The following PRF1 variants were observed in gnomAD, a reference collection of about 807,000 sequenced individuals.
The protein encoded by PRF1 is perforin-1.
PRF1 carries 11 observed loss-of-function variants against 11.7 expected under a neutral mutation model. The ratio of observed to expected loss-of-function variants is 0.94; its 90% confidence interval spans 0.59 to 1.56. The LOEUF (loss-of-function observed/expected upper bound fraction) is 1.56, where lower values mean the gene tolerates loss of function less well. Among genes scored for constraint, PRF1 ranks in the 40% most tolerant of loss-of-function variants. The probability of loss-of-function intolerance (pLI) is 0.00; values close to 1 mark genes in which losing one functional copy is unlikely to be tolerated. For missense variants in PRF1, 729 were observed against 751.0 expected (o/e 0.97, Z 0.34); for synonymous variants, 314 against 327.8 (o/e 0.96, Z 0.45).
At position 70,598,454 on chromosome 10, in the gene PRF1, G is replaced by A. The variant is rs768953378; in HGVS notation, c.1267C>T (p.Gln423Ter). The part of the protein sequence containing the change: ...GLAQLEVTFI[Q>*]AWGLWGDWFT... Reference sequence around the variant, plus strand: ...CAGTCCCCCCACAGGCCCCATGCTTGGATGAAGGTCACCTCCAGCTGGGCC... The same window carrying A: ...CAGTCCCCCCACAGGCCCCATGCTTAGATGAAGGTCACCTCCAGCTGGGCC... The change falls in exon 3 of 3, where the codon CAA becomes TAA. Residue 423 changes from glutamine (Q) to a stop codon, truncating the protein, a stop_gained. Coordinates refer to ENST00000441259, the MANE Select transcript of PRF1 (RefSeq NM_001083116.3). LOFTEE classifies it low-confidence loss of function (END_TRUNC). The A allele has an allele frequency of 4.3e-6, 7 of 1,613,674 alleles. No individual in the cohort carries two copies. Among genetic ancestry groups the A allele is most frequent in the African/African-American group, 4.0e-5 (3 of 74,942 alleles).
intron 1 of PRF1, among the ~76,000 whole-genome samples, chr10:70,602,101 A>G (rs540770270): frequency 2.0e-5 from 3 of 152,262 alleles, no homozygotes; most frequent in African/African-American, 7.2e-5. Flanking sequence ...ACCTTACCCA[A>G]GCCTAACCTT....
rs761317587 is a variant in PRF1, at chr10:70,600,746, G to T, written c.157C>A (p.Leu53Ile). ...LAGEGVDVTS[L>I]RRSGSFPVDT... is the part of the protein sequence containing the mutation. ...ACTGGGAAGGAGCCCGAGCGGCGGA[G>T]GCTGGTCACGTCCACACCCTCCCCG... The change falls in exon 2 of 3, where the codon CTC becomes ATC. Residue 53 changes from leucine (L) to isoleucine (I), a missense_variant. Physicochemically the swap from Leu to Ile is conservative, Grantham distance 5. Coordinates refer to ENST00000441259, the MANE Select transcript of PRF1 (RefSeq NM_001083116.3). The surrounding 1 kb of genome is among the most constrained non-coding windows in gnomAD (Gnocchi z 4.9). The T allele has an allele frequency of 1.2e-6, 2 of 1,613,158 alleles. No individual in the cohort carries two copies. The highest frequency in any genetic ancestry group is 8.5e-7 in the Non-Finnish European group (1 of 1,179,492).
At chr10:70,601,324 T>C (rs543534395) in intron 1 of PRF1, among the ~76,000 whole-genome samples, 1 of 152,282 alleles carries the variant, frequency 6.6e-6, no homozygotes, top group East Asian at 1.9e-4. Context: ...GTGTCATTTT[T>C]GGCCCCAGAA....
Position 70,598,750 on chromosome 10 carries a change from T to C in PRF1, c.971A>G (p.Gln324Arg). 6.2e-7 allele frequency: 1 copy of C among 1,614,236 alleles called. No homozygotes were observed. The change falls in exon 3 of 3, where the codon CAG becomes CGG. Residue 324 changes from glutamine to arginine, a missense_variant. Physicochemically the swap from Gln to Arg is conservative, Grantham distance 43. Transcript: ENST00000441259. ...CAGCGAGTTTACCCAGGCTGAGTAC[T>C]GCTCGGGCCCGGCCTGGATCCCGAA... is the stretch of plus-strand genomic sequence containing the variant. ...LLFGIQAGPE[Q>R]YSAWVNSLPG...
Position 70,598,219 on chromosome 10 carries a change from G to A in PRF1, c.1502C>T (p.Pro501Leu). 1.2e-6 allele frequency: 2 copies of A among 1,614,176 alleles called. No individual in the cohort carries two copies. Among genetic ancestry groups the A allele is most frequent in the South Asian group, 1.1e-5 (1 of 91,084 alleles). The change falls in exon 3 of 3, where the codon CCC becomes CTC. Residue 501 changes from proline to leucine, a missense_variant. Transcript: ENST00000441259. ...TCTCACCTCATGGGAACCAGACTTG[G>A]GAGCCTGATCACAGGTGCCAAGGAG... ...DDLLGTCDQA[P>L]KSGSHEVRCN...
At chr10:70,599,567 T>G in intron 2 of PRF1, among the ~76,000 whole-genome samples, 1 of 151,978 alleles carries the variant, frequency 6.6e-6, no homozygotes, top group East Asian at 1.9e-4. Flanking sequence ...CTGGGCAACA[T>G]AGTGAGACCC....
rs200641752 is a variant in PRF1, at chr10:70,598,688, G to T, written c.1033C>A (p.Pro345Thr). Reference sequence around the variant, plus strand: ...TGGCTGTCCAGCAGCACGTGCAGGGGTTCCAGGGTGTAGTCCACCAGGCCA... The same window carrying T: ...TGGCTGTCCAGCAGCACGTGCAGGGTTTCCAGGGTGTAGTCCACCAGGCCA... ...SPGLVDYTLE[P>T]LHVLLDSQDP... Residue 345 changes from proline (P) to threonine (T), a missense_variant, in exon 3 of 3, where the codon CCC becomes ACC. By Grantham distance (38) the Pro-to-Thr change is conservative. Coordinates refer to ENST00000441259, the MANE Select transcript of PRF1 (RefSeq NM_001083116.3). The T allele has an allele frequency of 3.7e-6, 6 of 1,613,978 alleles. No homozygotes were observed. The highest frequency in any genetic ancestry group is 1.3e-5 in the African/African-American group (1 of 74,940).
chr10:70,598,310 G>A lies in PRF1; in HGVS notation c.1411C>T (p.Leu471Phe), dbSNP rs143040535. 29 of 1,614,196 alleles carry A rather than the reference G, an allele frequency of 1.8e-5. No individual in the cohort carries two copies. In the African/African-American group the frequency reaches 3.3e-4, roughly 19 times the overall value. ...CTCAGGGGCCCCCCTGTGGCCAGGA[G>A]CACATCCCCAAAATCCAGCCGCACT... ...WSVRLDFGDV[L>F]LATGGPLRLQ... Residue 471 changes from leucine (L) to phenylalanine (F), a missense_variant, in exon 3 of 3, where the codon CTC (leucine) becomes TTC (phenylalanine). By Grantham distance (22) the Leu-to-Phe change is conservative. Coordinates refer to ENST00000441259, the MANE Select transcript of PRF1 (RefSeq NM_001083116.3).
Position 70,601,628 on chromosome 10 carries a change from A to C in PRF1, c.-30-696T>G, listed in dbSNP as rs559274363. 3.9e-5 allele frequency among the ~76,000 whole-genome samples: 6 copies of C among 152,006 alleles called. 1 individual carries two copies. The highest frequency in any genetic ancestry group is 1.4e-4 in the African/African-American group (6 of 41,428). ...TGGATCACTGGAGGTCAGAAGTTCG[A>C]GACCAGCCTGGCCAACGTGGTGAAA... On this transcript the variant is annotated intron_variant, in intron 1 of 2. Coordinates refer to ENST00000441259, the MANE Select transcript of PRF1 (RefSeq NM_001083116.3).
In PRF1 at chr10:70,598,138, TG is replaced by T; in HGVS notation, c.1582del (p.His528ThrfsTer85). On this transcript the variant is annotated frameshift_variant, in exon 3 of 3. Transcript: ENST00000441259. LOFTEE classifies it low-confidence loss of function (END_TRUNC). ...GTCCAGGCAGGTGCCTCCTCCCAGG[TG>T]GGGCAAGCACCTGGCATGATAGCGG... ...KFRYHARCLP[H>X]LGGGTCLDYV... 1.9e-6 allele frequency: 3 copies of T among 1,614,066 alleles called. No individual in the cohort carries two copies. The highest frequency in any genetic ancestry group is 2.5e-6 in the Non-Finnish European group (3 of 1,180,014).
At position 70,598,818 on chromosome 10, in the gene PRF1, C is replaced by T. The variant is rs763207236; in HGVS notation, c.903G>A (p.Ser301=). 3.3e-5 allele frequency: 54 copies of T among 1,614,132 alleles called. No individual in the cohort carries two copies. The highest frequency in any genetic ancestry group is 4.1e-5 in the Non-Finnish European group (48 of 1,180,052). ...AGGTGTGATGGCCGCCAACCACTTC[C>T]GAGTGGCGCTCCCGGTAGGTTTGGT... is the stretch of plus-strand genomic sequence containing the variant. ...SFHQTYRERH[S]EVVGGHHTSI... is the part of the protein sequence containing the mutation. The change falls in exon 3 of 3, where the codon TCG becomes TCA. Residue 301 remains serine (S), a synonymous_variant. Coordinates refer to ENST00000441259, the MANE Select transcript of PRF1 (RefSeq NM_001083116.3).
rs1467832541 is a variant in PRF1, at chr10:70,602,695, C to T, written c.-81G>A. On this transcript the variant is annotated 5_prime_UTR_variant, in exon 1 of 3. It adds an upstream start codon to the 5' untranslated region. Transcript: ENST00000441259. ...TACACAGATGGATATCCTCTCTTCA[C>T]CGAGGCTCCTGGAATGGTGGCATCA... The T allele has an allele frequency of 6.6e-6, 1 of 152,300 alleles. No individual in the cohort carries two copies. Among genetic ancestry groups the T allele is most frequent in the African/African-American group, 2.4e-5 (1 of 41,420 alleles). The allele number at this position is 152,300 out of a possible 1,614,324, so 9.4% of individuals were successfully genotyped here.
rs140218388 is a variant in PRF1 at position 70,598,931 on chromosome 10, C to T, written c.790G>A (p.Val264Ile). Residue 264 changes from valine to isoleucine, a missense_variant, in exon 3 of 3, where the codon GTC becomes ATC. Transcript: ENST00000441259. ...ATGCTGCCGTGGATGCCTATGTTGA[C>T]CTGGGCCTCGACAGTCAGGCAGTCC... ...VEDCLTVEAQ[V>I]NIGIHGSISA... 19 of 1,614,136 alleles carry T rather than the reference C, an allele frequency of 1.2e-5. No homozygotes were observed. The highest frequency in any genetic ancestry group is 1.0e-4 in the Admixed American group (6 of 60,016).
chr10:70,599,309 G>A, intron 2 of PRF1, 128 bp from the exon 3 acceptor site: 1 of 1,224,140 alleles, frequency 8.2e-7, no homozygotes, highest in Non-Finnish European at 1.2e-6. Flanking sequence ...CAGGGGCCCG[G>A]CTCCAGAGCA....
rs939451363 is a variant in PRF1, at chr10:70,600,885, G to A, written c.18C>T (p.Leu6=). MAARL[L]LLGILLLLLP... ...GCAGCAGGAGAAGGATGCCCAGGAG[G>A]AGCAGACGGGCTGCCATGGAGCTGC... The change falls in exon 2 of 3, where the codon CTC becomes CTT. Residue 6 remains leucine (L), a synonymous_variant. Transcript: ENST00000441259. This position sits in a 1 kb window ranked among gnomAD's most constrained non-coding sequence, Gnocchi z 4.9. The A allele has an allele frequency of 6.3e-7, 1 of 1,595,330 alleles. No homozygotes were observed. The highest frequency in any genetic ancestry group is 1.1e-5 in the South Asian group (1 of 88,578).
Position 70,600,986 on chromosome 10 carries a change from C to T in PRF1, c.-30-54G>A. 1.3e-6 allele frequency: 2 copies of T among 1,532,706 alleles called. No individual in the cohort carries two copies. The highest frequency in any genetic ancestry group is 1.7e-6 in the Non-Finnish European group (2 of 1,144,340). 94.9% of individuals were successfully genotyped at this position (1,532,706 alleles called of 1,614,324 possible). ...GATGACTGCTCCCTTCCCCCACAGC[C>T]ACAGATTATCAGGGCACATGGAAGG... On this transcript the variant is annotated intron_variant, in intron 1 of 2. Coordinates refer to ENST00000441259, the MANE Select transcript of PRF1 (RefSeq NM_001083116.3). This position sits in a 1 kb window ranked among gnomAD's most constrained non-coding sequence, Gnocchi z 4.9.
In PRF1 at chr10:70,600,695, C is replaced by T. The variant is rs555317258; in HGVS notation, c.208G>A (p.Asp70Asn). The T allele has an allele frequency of 3.2e-5, 52 of 1,613,848 alleles. No individual in the cohort carries two copies. In the South Asian group the frequency reaches 3.3e-4, roughly 10 times the overall value. ...PVDTQRFLRPDGTCTLCENAL... is the reference protein window; with the variant it reads ...PVDTQRFLRPNGTCTLCENAL... ...TTTTCACAGAGGGTGCAGGTGCCGT[C>T]GGGCCGCAGGAACCTTTGTGTGTCC... Residue 70 changes from aspartate to asparagine, a missense_variant, in exon 2 of 3, where the codon GAC becomes AAC. By Grantham distance (23) the Asp-to-Asn change is conservative (BLOSUM62 1). Transcript: ENST00000441259. This position sits in a 1 kb window ranked among gnomAD's most constrained non-coding sequence, Gnocchi z 4.9.
At position 70,600,510 on chromosome 10, in the gene PRF1, G is replaced by T. The variant is rs374948681; in HGVS notation, c.393C>A (p.Val131=). The T allele has an allele frequency of 8.1e-6, 13 of 1,614,022 alleles. No individual in the cohort carries two copies. The highest frequency in any genetic ancestry group is 1.7e-5 in the Admixed American group (1 of 59,996). Reference sequence around the variant, plus strand: ...TGGGCTTAGGAGTCACGTCCAGCCCGACCTTCCAGTCGTTGCGGATGCTAC... The same window carrying T: ...TGGGCTTAGGAGTCACGTCCAGCCCTACCTTCCAGTCGTTGCGGATGCTAC... ...AARSIRNDWK[V]GLDVTPKPTS... The change falls in exon 2 of 3, where the codon GTC becomes GTA. Residue 131 remains valine, a synonymous_variant. Coordinates refer to ENST00000441259, the MANE Select transcript of PRF1 (RefSeq NM_001083116.3). The surrounding 1 kb of genome is among the most constrained non-coding windows in gnomAD (Gnocchi z 4.9).
Position 70,598,161 on chromosome 10 carries a change from G to C in PRF1, c.1560C>G (p.Arg520=). ...GGTGGGGCAAGCACCTGGCATGATA[G>C]CGGAATTTTAGGTGGCCATGATTCA... ...CNLNHGHLKF[R]YHARCLPHLG... Residue 520 remains arginine (R), a synonymous_variant, in exon 3 of 3, where the codon CGC becomes CGG. Transcript: ENST00000441259. 1.9e-6 allele frequency: 3 copies of C among 1,614,188 alleles called. No homozygotes were observed. The highest frequency in any genetic ancestry group is 2.5e-6 in the Non-Finnish European group (3 of 1,180,040).
Sources: allele counts gnomAD v4.1 joint callset (sites outside exome capture counted in the v4.1 genomes callset), GRCh38; gene constraint gnomAD v4.1.1; non-coding constraint Gnocchi (gnomAD v3.1); transcripts MANE v1.5; gene names NCBI Gene and HGNC (gene_info 2026-07-23, HGNC 2026-07-21).